TSHZ2: variants seen among roughly 807,000 people sequenced by gnomAD.
TSHZ2 encodes teashirt homolog 2.
A neutral mutation model predicts 74.4 loss-of-function variants in TSHZ2; 21 were observed. The observed-to-expected ratio is 0.28, with a 90% CI of 0.20 to 0.41. The LOEUF (loss-of-function observed/expected upper bound fraction) is 0.41, where lower values mean the gene tolerates loss of function less well. Ranked by LOEUF, TSHZ2 falls within the 10% of genes least tolerant of loss-of-function variation. The probability of loss-of-function intolerance (pLI) is 1.00; values close to 1 mark genes in which losing one functional copy is unlikely to be tolerated. For missense variants in TSHZ2, 1,244 were observed against 1,293.5 expected, an observed-to-expected ratio of 0.96 and a Z score of 0.59; for synonymous variants, 540 against 515.3, an observed-to-expected ratio of 1.05 and a Z score of -0.65.
intron 1 of TSHZ2, among the ~76,000 whole-genome samples, chr20:52,984,624 C>T (rs975350488): frequency 6.6e-6 from 1 of 152,082 alleles, no homozygotes; most frequent in African/African-American, 2.4e-5. Context: ...GGGCTGTCAC[C>T]GAGGTGGGGT....
chr20:52,981,526 C>G (rs1981569759), intron 1 of TSHZ2, among the ~76,000 whole-genome samples: 1 of 152,096 alleles, frequency 6.6e-6, no homozygotes, highest in South Asian at 2.1e-4. Flanking sequence ...CCTGAATAAC[C>G]AGACTATGGA....
At chr20:53,215,334 T>C (rs567073307) in intron 1 of TSHZ2, among the ~76,000 whole-genome samples, 7 of 152,180 alleles carry the variant, frequency 4.6e-5, no homozygotes, top group African/African-American at 1.7e-4. Flanking sequence ...GAGAGCTGCC[T>C]GTCATATGAA....
At chr20:53,388,802 C>CT (rs1406032637) in intron 2 of TSHZ2, among the ~76,000 whole-genome samples, 1 of 152,042 alleles carries the variant, frequency 6.6e-6, no homozygotes, top group Admixed American at 6.6e-5. Context: ...AGGCTGGTCT[C>CT]AAACTCCTGA....
intron 2 of TSHZ2, among the ~76,000 whole-genome samples, chr20:53,409,834 C>CTTTTTTTTTTTTTTTTTTTTTTTTTT (rs71194475): frequency 4.1e-5 from 2 of 49,336 alleles, no homozygotes; most frequent in African/African-American, 1.7e-4. Context: ...GTTTTCTTTT[C>CTTTTTTTTTTTTTTTTTTTTTTTTTT]TTTTTTTTTT....
At chr20:53,250,293 C>T (rs1990295543) in intron 1 of TSHZ2, among the ~76,000 whole-genome samples, 1 of 152,108 alleles carries the variant, frequency 6.6e-6, no homozygotes, top group Non-Finnish European at 1.5e-5. Context: ...GCCACTCATC[C>T]ACTTATCCTA....
At chr20:53,230,190 T>C (rs987132853) in intron 1 of TSHZ2, among the ~76,000 whole-genome samples, 2 of 152,156 alleles carry the variant, frequency 1.3e-5, no homozygotes, top group African/African-American at 4.8e-5. Context: ...ATTGATGATA[T>C]CTCTCTATAC....
rs1021611041 is a variant in TSHZ2, at chr20:52,988,901, C to G, written c.40+15568C>G. On this transcript the variant is annotated intron_variant, in intron 1 of 2. Coordinates refer to ENST00000371497, the MANE Select transcript of TSHZ2 (RefSeq NM_173485.6). ...ATCTCTTGTAGGCTCCAGGACTCTT[C>G]CTGGCCATCAAAAAATATGGAACGC... 2.0e-5 allele frequency among the ~76,000 whole-genome samples: 3 copies of G among 152,240 alleles called. No individual in the cohort carries two copies. The South Asian group carries it at 6.2e-4, about 32-fold the overall frequency.
At chr20:53,395,165 T>G (rs1311446051) in intron 2 of TSHZ2, among the ~76,000 whole-genome samples, 1 of 152,208 alleles carries the variant, frequency 6.6e-6, no homozygotes, top group African/African-American at 2.4e-5. Flanking sequence ...AAATAATGTC[T>G]GAGAAAGCAC....
chr20:53,198,973 C>T (rs1190350123), intron 1 of TSHZ2, among the ~76,000 whole-genome samples: 2 of 152,096 alleles, frequency 1.3e-5, no homozygotes. Context: ...TAAGGTGCCC[C>T]GACTAGAGCA....
At chr20:53,078,068 G>C (rs1254977049) in intron 1 of TSHZ2, among the ~76,000 whole-genome samples, 2 of 152,226 alleles carry the variant, frequency 1.3e-5, no homozygotes, top group African/African-American at 4.8e-5. Flanking sequence ...GTTTCTGAGA[G>C]TGAATCTATC....
chr20:53,038,365 C>T (rs1422119794), intron 1 of TSHZ2, among the ~76,000 whole-genome samples: 1 of 152,042 alleles, frequency 6.6e-6, no homozygotes, highest in Non-Finnish European at 1.5e-5. Context: ...TTGGGCCTTA[C>T]AGGAAGATTG....
At chr20:53,211,352 T>G (rs1989299326) in intron 1 of TSHZ2, among the ~76,000 whole-genome samples, 1 of 152,154 alleles carries the variant, frequency 6.6e-6, no homozygotes. Flanking sequence ...ATGCCTCCAC[T>G]CAGGGTCCCT....
intron 2 of TSHZ2, among the ~76,000 whole-genome samples, chr20:53,394,334 C>T (rs2145665163): frequency 6.6e-6 from 1 of 152,308 alleles, no homozygotes; most frequent in East Asian, 1.9e-4. Context: ...AATAATTACT[C>T]AAGTGTTTAC....
At chr20:53,123,520 A>G (rs1986869242) in intron 1 of TSHZ2, among the ~76,000 whole-genome samples, 1 of 152,156 alleles carries the variant, frequency 6.6e-6, no homozygotes, top group Non-Finnish European at 1.5e-5. Context: ...GGAGCAGGCT[A>G]ACCTAGGCAT....
chr20:53,408,744 T>C (rs1982936351), intron 2 of TSHZ2, among the ~76,000 whole-genome samples: 1 of 152,220 alleles, frequency 6.6e-6, no homozygotes, highest in South Asian at 2.1e-4. Context: ...TTGATCCGAA[T>C]GGAACCTGAC....
At chr20:53,291,280 C>T (rs1375516997) in intron 2 of TSHZ2, among the ~76,000 whole-genome samples, 2 of 151,804 alleles carry the variant, frequency 1.3e-5, no homozygotes, top group African/African-American at 2.4e-5. Flanking sequence ...GAGACCAGCC[C>T]GGCCAACATG....
intron 1 of TSHZ2, among the ~76,000 whole-genome samples, chr20:53,113,964 A>G (rs1034426135): frequency 2.0e-5 from 3 of 151,990 alleles, no homozygotes; most frequent in Non-Finnish European, 4.4e-5. Flanking sequence ...ACGGTGGCAC[A>G]TACCTTATAA....
chr20:53,056,218 C>T (rs942977646), intron 1 of TSHZ2, among the ~76,000 whole-genome samples: 4 of 152,142 alleles, frequency 2.6e-5, no homozygotes. Context: ...TCCTAAAGTC[C>T]TTCTGTGCAG....
chr20:53,097,905 A>G (rs778224793), intron 1 of TSHZ2: 7 of 152,290 alleles, frequency 4.6e-5, no homozygotes, highest in Non-Finnish European at 1.0e-4. Context: ...ATTAGATTTA[A>G]TGAAAGCCAT....
Sources: gnomAD v4.1 joint callset for allele counts (sites outside exome capture counted in the v4.1 genomes callset) on GRCh38, gnomAD v4.1.1 for gene constraint, MANE v1.5 for transcripts, NCBI Gene and HGNC (gene_info 2026-07-23, HGNC 2026-07-21) for gene names.